SPMAP2: variants seen among roughly 807,000 people sequenced by gnomAD.
The protein encoded by SPMAP2 is Theg homolog.
At chr19:362,747 C>T in the SPMAP2 span, among the ~76,000 whole-genome samples, 2 of 117,560 alleles carry the variant, frequency 1.7e-5, no homozygotes, top group East Asian at 5.3e-4. Context: ...GCCTGGGCAA[C>T]AGAGCAAGAC....
chr19:367,519 T>C, the SPMAP2 span, among the ~76,000 whole-genome samples: 1 of 152,172 alleles, frequency 6.6e-6, no homozygotes, highest in East Asian at 1.9e-4. Context: ...CAAATGTAAA[T>C]TAAAACAACA....
the SPMAP2 span, among the ~76,000 whole-genome samples, chr19:369,273 A>C: frequency 6.6e-6 from 1 of 152,192 alleles, no homozygotes; most frequent in Admixed American, 6.5e-5. Flanking sequence ...CAGGTGAACA[A>C]ACCAACAAGC....
the SPMAP2 span, among the ~76,000 whole-genome samples, chr19:371,489 G>A: frequency 3.9e-5 from 6 of 152,150 alleles, no homozygotes; most frequent in African/African-American, 1.4e-4. Context: ...GGTTAAGAGA[G>A]CCTGGGAGAG....
the SPMAP2 span, among the ~76,000 whole-genome samples, chr19:363,587 G>A: frequency 1.1e-3 from 170 of 151,822 alleles, no homozygotes; most frequent in African/African-American, 3.9e-3. Context: ...AGGCTGGAGT[G>A]CAGTAGCATG....
chr19:375,601 C>G, the SPMAP2 span: 5 of 1,450,264 alleles, frequency 3.4e-6, no homozygotes, highest in African/African-American at 2.9e-5. Flanking sequence ...TGCCCTCCCC[C>G]CACTGCCAGG....
At chr19:365,582 CA>C in the SPMAP2 span, among the ~76,000 whole-genome samples, 1 of 98,238 alleles carries the variant, frequency 1.0e-5, no homozygotes. Context: ...CACCACACAG[CA>C]AGTGTGAGCA....
the SPMAP2 span, chr19:362,541 G>A: frequency 1.3e-6 from 1 of 753,064 alleles, no homozygotes; most frequent in Non-Finnish European, 2.1e-6. Context: ...GCTGAGGCAG[G>A]TGGATCACCT....
chr19:362,658 C>T, the SPMAP2 span, among the ~76,000 whole-genome samples: 21 of 149,190 alleles, frequency 1.4e-4, no homozygotes, highest in African/African-American at 4.9e-4. Context: ...CCCAGCTACT[C>T]GGGAGGTTGA....
the SPMAP2 span, among the ~76,000 whole-genome samples, chr19:364,721 T>C: frequency 6.6e-6 from 1 of 152,026 alleles, no homozygotes; most frequent in East Asian, 1.9e-4. Flanking sequence ...CTGGTGGCTG[T>C]CCCTCAGGCA....
chr19:375,984 C>T, the SPMAP2 span: 193 of 1,382,446 alleles, frequency 1.4e-4, 1 homozygote, highest in Middle Eastern at 3.4e-3. Flanking sequence ...CCGGTCCCTT[C>T]CCAGCCCCCG....
the SPMAP2 span, among the ~76,000 whole-genome samples, chr19:370,402 C>T: frequency 2.0e-5 from 3 of 150,674 alleles, no homozygotes; most frequent in African/African-American, 4.9e-5. Context: ...AGGGCAGTGG[C>T]GCGATCTCGG....
At chr19:370,707 A>G in the SPMAP2 span, among the ~76,000 whole-genome samples, 1 of 152,278 alleles carries the variant, frequency 6.6e-6, no homozygotes, top group Admixed American at 6.5e-5. Flanking sequence ...AATACCCTTC[A>G]GTGGGTGCCT....
At chr19:375,842 T>C in the SPMAP2 span, 1 of 1,603,582 alleles carries the variant, frequency 6.2e-7, no homozygotes, top group Non-Finnish European at 8.5e-7. Context: ...GTTCGGGGTC[T>C]GTGACCCGCC....
At chr19:369,250 G>A in the SPMAP2 span, among the ~76,000 whole-genome samples, 7 of 152,144 alleles carry the variant, frequency 4.6e-5, no homozygotes, top group Admixed American at 1.3e-4. Context: ...CGGCCAAAAC[G>A]TTTAGGAATA....
the SPMAP2 span, chr19:367,258 A>C: frequency 1.9e-6 from 3 of 1,561,820 alleles, no homozygotes; most frequent in Non-Finnish European, 2.6e-6. Context: ...GGTTACGTGA[A>C]ACAGTCCATG....
the SPMAP2 span, chr19:375,668 T>C: frequency 7.7e-6 from 12 of 1,563,380 alleles, no homozygotes; most frequent in South Asian, 1.3e-4. Context: ...CCCACCTGAT[T>C]TCAGGAATGT....
chr19:369,631 A>G, the SPMAP2 span, among the ~76,000 whole-genome samples: 8 of 152,062 alleles, frequency 5.3e-5, no homozygotes, highest in African/African-American at 1.4e-4. Context: ...AAGCCTAAAC[A>G]GGCTTTGTGT....
At chr19:367,299 C>CA in the SPMAP2 span, 1 of 1,396,622 alleles carries the variant, frequency 7.2e-7, no homozygotes, top group Non-Finnish European at 9.6e-7. Flanking sequence ...CTGAAGGACC[C>CA]CAGGAGCAAC....
chr19:366,696 C>G, the SPMAP2 span, among the ~76,000 whole-genome samples: 1 of 152,162 alleles, frequency 6.6e-6, no homozygotes, highest in African/African-American at 2.4e-5. Context: ...GAAGAGTAAA[C>G]CTAAATGGCC....
Sources: gnomAD v4.1 joint callset for allele counts (sites outside exome capture counted in the v4.1 genomes callset) on GRCh38, gnomAD v4.1.1 for gene constraint, MANE v1.5 for transcripts, NCBI Gene and HGNC (gene_info 2026-07-23, HGNC 2026-07-21) for gene names.